SDAD1: variants seen among roughly 807,000 people sequenced by gnomAD.
SDAD1 encodes protein SDA1 homolog.
In SDAD1, 79 loss-of-function variants were observed where a neutral mutation model predicts 100.3. The ratio of observed to expected loss-of-function variants is 0.79; its 90% CI spans 0.66 to 0.95. SDAD1 has a LOEUF of 0.95. SDAD1 is among the 40% of genes least tolerant of loss of function. The pLI, the probability that SDAD1 is intolerant of heterozygous loss-of-function variation, is 0.00. For synonymous variants in SDAD1, 267 were observed against 271.4 expected (o/e 0.98, Z 0.16); for missense variants, 790 against 810.9 (o/e 0.97, Z 0.31).
chr4:75,962,082 T>C (rs1050357779), intron 14 of SDAD1, among the ~76,000 whole-genome samples: 26 of 152,186 alleles, frequency 1.7e-4, no homozygotes, highest in African/African-American at 5.8e-4. Context: ...CGGTGTGTGA[T>C]GTTCCCCATC....
At position 75,990,894 on chromosome 4, in the gene SDAD1, C is replaced by T. The variant is rs763041364; in HGVS notation, c.-53G>A. ...GCAGTTTTAAAAAAACTCAGACGGC[C>T]GGCACCCCGCAATCCCTGCCAGCTG... On this transcript the variant is annotated 5_prime_UTR_variant, in exon 1 of 22. Coordinates refer to ENST00000356260, the MANE Select transcript of SDAD1 (RefSeq NM_018115.4). 20 of 1,609,116 alleles carry T rather than the reference C, an allele frequency of 1.2e-5. No individual in the cohort carries two copies. The highest frequency in any genetic ancestry group is 1.7e-5 in the Non-Finnish European group (20 of 1,176,748).
chr4:75,967,222 G>T, intron 12 of SDAD1, 55 bp downstream of exon 12: 1 of 1,500,524 alleles, frequency 6.7e-7, no homozygotes, highest in Non-Finnish European at 9.3e-7. Context: ...AAAAGACTTT[G>T]CATGTTTATT....
chr4:75,963,099 C>G (rs1441765561), intron 14 of SDAD1, among the ~76,000 whole-genome samples: 3 of 152,160 alleles, frequency 2.0e-5, no homozygotes, highest in African/African-American at 7.2e-5. Context: ...CCAGTTTCAG[C>G]TTTCTGCATA....
Position 75,961,312 on chromosome 4 carries a change from GA to G in SDAD1, c.1182-5del. 6.2e-7 allele frequency: 1 copy of G among 1,605,060 alleles called. No individual in the cohort carries two copies. The highest frequency in any genetic ancestry group is 1.1e-5 in the South Asian group (1 of 89,714). ...TATCTCCTTTATAGCATTGATTCTAGAAAAAGAAAAACAAAGTTTAAAAGAG... is the reference window on the plus strand; with the variant it reads ...TATCTCCTTTATAGCATTGATTCTAGAAAAGAAAAACAAAGTTTAAAAGAG... On this transcript the variant is annotated splice_region_variant and splice_polypyrimidine_tract_variant and intron_variant, in intron 14 of 21. Coordinates refer to ENST00000356260, the MANE Select transcript of SDAD1 (RefSeq NM_018115.4).
At chr4:75,972,392 T>A (rs895968470) in intron 8 of SDAD1, among the ~76,000 whole-genome samples, 13 of 149,388 alleles carry the variant, frequency 8.7e-5, no homozygotes, top group Non-Finnish European at 1.5e-4. Flanking sequence ...ACAGTGAAGG[T>A]CCGCGGCTCC....
intron 1 of SDAD1, among the ~76,000 whole-genome samples, chr4:75,986,825 G>A (rs1400407405): frequency 2.0e-5 from 3 of 152,188 alleles, no homozygotes; most frequent in Non-Finnish European, 4.4e-5. Flanking sequence ...TCAGCTTGGA[G>A]ACCAGCCTGG....
chr4:75,978,877 G>A (rs1479133481), intron 3 of SDAD1, among the ~76,000 whole-genome samples: 4 of 150,360 alleles, frequency 2.7e-5, no homozygotes, highest in Middle Eastern at 3.4e-3. Flanking sequence ...TACTTGGCAC[G>A]CTGAGGTGGG....
chr4:75,981,974 G>A lies in SDAD1; in HGVS notation c.154C>T (p.Pro52Ser). The A allele has an allele frequency of 1.2e-6, 2 of 1,611,918 alleles. No individual in the cohort carries two copies. Among genetic ancestry groups the A allele is most frequent in the Non-Finnish European group, 1.7e-6 (2 of 1,179,376 alleles). Residue 52 changes from proline (P) to serine (S), a missense_variant, in exon 2 of 22, where the codon CCC (proline) becomes TCC (serine). Transcript: ENST00000356260. The part of the protein sequence containing the change: ...VEIFKLQPNK[P>S]SKELAELVMF... The stretch of plus-strand genomic sequence containing the variant: ...ACCAGCTCTGCTAGTTCTTTGCTGG[G>A]TTTATTTGGTTGCAATTTGAAAATC...
chr4:75,965,212 A>C (rs920680102), intron 13 of SDAD1, among the ~76,000 whole-genome samples: 8 of 152,178 alleles, frequency 5.3e-5, no homozygotes, highest in Non-Finnish European at 1.2e-4. Flanking sequence ...TTAAGGTTGT[A>C]GATAAGGGAT....
At chr4:75,958,434 A>C (rs913805318) in intron 17 of SDAD1, among the ~76,000 whole-genome samples, 2 of 152,194 alleles carry the variant, frequency 1.3e-5, no homozygotes, top group African/African-American at 4.8e-5. Context: ...ACTGAGGTAG[A>C]ATATTTGGGA....
chr4:75,971,440 T>C lies in SDAD1; in HGVS notation c.730A>G (p.Arg244Gly). 3 of 1,612,700 alleles carry C rather than the reference T, an allele frequency of 1.9e-6. No individual in the cohort carries two copies. The highest frequency in any genetic ancestry group is 2.5e-6 in the Non-Finnish European group (3 of 1,179,122). Residue 244 changes from arginine (R) to glycine (G), a missense_variant, in exon 9 of 22, where the codon AGA becomes GGA. Coordinates refer to ENST00000356260, the MANE Select transcript of SDAD1 (RefSeq NM_018115.4). ...GTAGCATATTGTACTAGCAGGTCTC[T>C]TGCTGTTGGTCCATCATCCTAAAGA... ...SESEDDGPTA[R>G]DLLVQYATGK...
chr4:75,972,326 A>C (rs1729913587), intron 8 of SDAD1, among the ~76,000 whole-genome samples: 1 of 151,820 alleles, frequency 6.6e-6, no homozygotes, highest in Non-Finnish European at 1.5e-5. Context: ...CTTCACAGTA[A>C]ACCTTGCTAC....
rs765134411 is a variant in SDAD1 at position 75,971,354 on chromosome 4, C to T, written c.813+3G>A. ...TATCTCATTTTCCAGATACAAGTCC[C>T]ACCTTGAGCACTTTCATTGCCTTTT... On this transcript the variant is annotated splice_donor_region_variant and intron_variant, in intron 9 of 21. Transcript: ENST00000356260. The T allele has an allele frequency of 8.1e-6, 13 of 1,605,190 alleles. No individual in the cohort carries two copies. Among genetic ancestry groups the T allele is most frequent in the Non-Finnish European group, 1.0e-5 (12 of 1,172,232 alleles).
intron 1 of SDAD1, 44 bp downstream of exon 1, chr4:75,990,708 C>T (rs762194555): frequency 1.9e-5 from 30 of 1,612,250 alleles, no homozygotes; most frequent in South Asian, 7.7e-5. Flanking sequence ...GCGTCTCAAC[C>T]ATCCACTATC....
chr4:75,958,181 A>G (rs939247051), intron 17 of SDAD1, among the ~76,000 whole-genome samples: 2 of 152,190 alleles, frequency 1.3e-5, no homozygotes, highest in African/African-American at 4.8e-5. Flanking sequence ...TCTAACCCTC[A>G]TAACTCCAAA....
intron 14 of SDAD1, among the ~76,000 whole-genome samples, chr4:75,961,616 T>G (rs1186719757): frequency 6.6e-6 from 1 of 152,126 alleles, no homozygotes; most frequent in Non-Finnish European, 1.5e-5. Context: ...GGTTAAAGTC[T>G]TTAGGGCTAT....
chr4:75,990,247 C>G (rs116162955), intron 1 of SDAD1, among the ~76,000 whole-genome samples: 2,179 of 149,338 alleles, frequency 0.015, 52 homozygotes, highest in African/African-American at 0.052. Context: ...ATACTAAGCT[C>G]CCGAGTCTGT....
intron 13 of SDAD1, 33 bp from the exon 14 acceptor site, chr4:75,964,244 A>T: frequency 7.2e-7 from 1 of 1,396,126 alleles, no homozygotes; most frequent in Non-Finnish European, 1.0e-6. Flanking sequence ...ATGGGTGCTG[A>T]TTAAATGTCT....
chr4:75,976,072 G>A, intron 4 of SDAD1, 77 bp from the exon 5 acceptor site: 2 of 844,008 alleles, frequency 2.4e-6, no homozygotes, highest in Non-Finnish European at 3.8e-6. Flanking sequence ...AGAACAGTAT[G>A]AATGTACAGG....
Sources: gnomAD v4.1 joint callset for allele counts (sites outside exome capture counted in the v4.1 genomes callset) on GRCh38, gnomAD v4.1.1 for gene constraint, MANE v1.5 for transcripts, NCBI Gene and HGNC (gene_info 2026-07-23, HGNC 2026-07-21) for gene names.